Variants in DNAH17 observed in about 807,000 individuals in gnomAD.
DNAH17 encodes the protein axonemal beta dynein heavy chain 17.
A neutral mutation model predicts 485.6 loss-of-function variants in DNAH17; 376 were observed. That is an observed-to-expected ratio of 0.77 (90% CI 0.71 to 0.84). The LOEUF (loss-of-function observed/expected upper bound fraction) is 0.84, where lower values mean the gene tolerates loss of function less well. Among genes scored for constraint, DNAH17 ranks in the 40% least tolerant of loss-of-function variants. The pLI, the probability that DNAH17 is intolerant of heterozygous loss-of-function variation, is 0.00. For synonymous variants in DNAH17, 3,031 were observed against 2,405.9 expected (o/e 1.26, Z -7.60); for missense variants, 6,370 against 5,839.3 (o/e 1.09, Z -2.96).
intron 75 of DNAH17, among the ~76,000 whole-genome samples, chr17:78,432,911 C>CA (rs922446913): frequency 1.7e-5 from 2 of 119,572 alleles, no homozygotes; most frequent in Middle Eastern, 4.0e-3. Context: ...TGCCCCCCCC[C>CA]CCCGACCCCG....
chr17:78,510,754 C>CTCCA, intron 26 of DNAH17: 1 of 405,080 alleles, frequency 2.5e-6, no homozygotes, highest in Non-Finnish European at 4.5e-6. Context: ...AATTGCGGCC[C>CTCCA]CCCCGCAAAA....
At chr17:78,466,521 A>G in intron 56 of DNAH17, 134 bp downstream of exon 56, 1 of 670,364 alleles carries the variant, frequency 1.5e-6, no homozygotes, top group Non-Finnish European at 2.1e-6. Context: ...AGCCTCTTAA[A>G]CGTTGAGCCC....
At chr17:78,461,212 C>T (rs555525088) in intron 58 of DNAH17, among the ~76,000 whole-genome samples, 184 of 152,308 alleles carry the variant, frequency 1.2e-3, no homozygotes, top group Non-Finnish European at 2.0e-3. Context: ...CATTTCGTTA[C>T]CATGCAGGCC....
At position 78,539,586 on chromosome 17, in the gene DNAH17, G is replaced by A. The variant is rs2091466625; in HGVS notation, c.2676+151C>T. 1.6e-5 allele frequency: 11 copies of A among 705,156 alleles called. No individual in the cohort carries two copies. In the South Asian group the frequency reaches 2.4e-4, roughly 16 times the overall value. The allele number at this position is 705,156 out of a possible 1,614,324, so 43.7% of individuals were successfully genotyped here. ...GGATTCTGGAATGCAGGACTTCCAG[G>A]TTTAAAACCAGGTCAAGTAGATTGC... On this transcript the variant is annotated intron_variant, in intron 18 of 80. Transcript: ENST00000389840.
chr17:78,551,634 C>T lies in DNAH17; in HGVS notation c.2292G>A (p.Val764=). The part of the protein sequence containing the change: ...ETTLFWNGEG[V]FQYIQEVREI... ...CTCGCACCTCTTGAATGTACTGAAA[C>T]ACACCTAAAATGGAAATGTAGAGGA... Residue 764 remains valine, a synonymous_variant, in exon 16 of 81, where the codon GTG becomes GTA. Coordinates refer to ENST00000389840, the MANE Select transcript of DNAH17 (RefSeq NM_173628.4). 2 of 1,613,912 alleles carry T rather than the reference C, an allele frequency of 1.2e-6. No homozygotes were observed. Among genetic ancestry groups the T allele is most frequent in the South Asian group, 2.2e-5 (2 of 91,078 alleles).
chr17:78,483,103 C>T (rs997569287), intron 48 of DNAH17, among the ~76,000 whole-genome samples: 11 of 151,344 alleles, frequency 7.3e-5, no homozygotes, highest in African/African-American at 2.4e-4. Flanking sequence ...GTCTGGGTAC[C>T]CTCAAATCTC....
At chr17:78,559,816 C>A (rs1004123156) in intron 13 of DNAH17, among the ~76,000 whole-genome samples, 10 of 152,116 alleles carry the variant, frequency 6.6e-5, no homozygotes, top group African/African-American at 2.4e-4. Context: ...TTTGCCCATT[C>A]CCCCGCCCCA....
At chr17:78,572,331 T>C (rs2092370910) in intron 3 of DNAH17, among the ~76,000 whole-genome samples, 1 of 152,096 alleles carries the variant, frequency 6.6e-6, no homozygotes, top group South Asian at 2.1e-4. Flanking sequence ...CCACTCCCAC[T>C]CACTGACCCT....
chr17:78,494,813 T>C lies in DNAH17; in HGVS notation c.6050A>G (p.Tyr2017Cys), dbSNP rs2090006226. The change falls in exon 40 of 81, where the codon TAC becomes TGC. Residue 2017 changes from tyrosine (Y) to cysteine (C), a missense_variant. By Grantham distance (194) the Tyr-to-Cys change is radical (BLOSUM62 -2). Transcript: ENST00000389840. ...CKELLSKQDH[Y>C]DWGLRAIKSV... ...CTTGATGGCTCTCAGGCCCCAGTCGTAATGATCCTGCGGGCAGTGGGCACA... is the reference window on the plus strand; with the variant it reads ...CTTGATGGCTCTCAGGCCCCAGTCGCAATGATCCTGCGGGCAGTGGGCACA... 1.2e-6 allele frequency: 2 copies of C among 1,605,404 alleles called. No homozygotes were observed. Among genetic ancestry groups the C allele is most frequent in the East Asian group, 4.5e-5 (2 of 44,764 alleles).
Position 78,454,479 on chromosome 17 carries a change from C to A in DNAH17, c.10397G>T (p.Gly3466Val). ...YRSELKAIRL[G>V]QKSYLDVIEQ... ...CTGCGCCCGCACACACCTCTTCTGTCCCAGGCGGATGGCTTTCAGTTCACT... is the reference window on the plus strand; with the variant it reads ...CTGCGCCCGCACACACCTCTTCTGTACCAGGCGGATGGCTTTCAGTTCACT... The change falls in exon 64 of 81, where the codon GGA (glycine) becomes GTA (valine). Residue 3466 changes from glycine to valine, a missense_variant. Transcript: ENST00000389840. 1 of 1,612,232 alleles carries A rather than the reference C, an allele frequency of 6.2e-7. No homozygotes were observed. The highest frequency in any genetic ancestry group is 1.1e-5 in the South Asian group (1 of 90,610).
At chr17:78,427,214 AGGAGG>A in intron 77 of DNAH17, 106 bp from the exon 78 acceptor site, 1 of 1,147,438 alleles carries the variant, frequency 8.7e-7, no homozygotes, top group Non-Finnish European at 1.2e-6. Context: ...AGTCCTGGAG[AGGAGG>A]GAAGAGGCAA....
chr17:78,516,016 G>A (rs1459451719), intron 25 of DNAH17, among the ~76,000 whole-genome samples: 1 of 152,190 alleles, frequency 6.6e-6, no homozygotes, highest in Non-Finnish European at 1.5e-5. Context: ...TAGTCATTGA[G>A]GGAATGAGAG....
chr17:78,436,520 G>A (rs1664496231), intron 74 of DNAH17, among the ~76,000 whole-genome samples: 1 of 152,106 alleles, frequency 6.6e-6, no homozygotes, highest in African/African-American at 2.4e-5. Context: ...CAGAGAAAAT[G>A]CTGAGGTGCC....
chr17:78,519,460 T>C (rs181349864), intron 25 of DNAH17, among the ~76,000 whole-genome samples: 1 of 152,272 alleles, frequency 6.6e-6, no homozygotes, highest in East Asian at 1.9e-4. Flanking sequence ...CAGAAACTGA[T>C]GAAGTTTAAA....
intron 2 of DNAH17, among the ~76,000 whole-genome samples, 196 bp downstream of exon 2, chr17:78,574,517 A>T (rs990870196): frequency 6.6e-6 from 1 of 151,674 alleles, no homozygotes; most frequent in African/African-American, 2.4e-5. Context: ...AAAAAAAAAA[A>T]TTTAAAAACC....
Position 78,571,519 on chromosome 17 carries a change from G to A in DNAH17, c.732+71C>T, listed in dbSNP as rs1270783642. 2.5e-6 allele frequency: 4 copies of A among 1,569,978 alleles called. No homozygotes were observed. The Admixed American group carries it at 5.0e-5, about 20-fold the overall frequency. Reference sequence around the variant, plus strand: ...AGGACTCCTGGGAGGTTGGCACTGGGAGGCGGAGAGCTCGGCCCGGTCGCC... The same window carrying A: ...AGGACTCCTGGGAGGTTGGCACTGGAAGGCGGAGAGCTCGGCCCGGTCGCC... On this transcript the variant is annotated intron_variant, in intron 4 of 80. Transcript: ENST00000389840.
In DNAH17 at chr17:78,486,275, G is replaced by T; in HGVS notation, c.7050C>A (p.Tyr2350Ter). ...PDSPRELYEL[Y>*]FVFTCFWAFG... ...AGGCCCAGAAGCAGGTGAACACGAAGTACAGCTCGTACAGCTCCCTGGGGG... is the reference window on the plus strand; with the variant it reads ...AGGCCCAGAAGCAGGTGAACACGAATTACAGCTCGTACAGCTCCCTGGGGG... Residue 2350 changes from tyrosine (Y) to a stop codon, truncating the protein, a stop_gained, in exon 45 of 81, where the codon TAC becomes TAA. Transcript: ENST00000389840. LOFTEE classifies it high-confidence loss of function. The T allele has an allele frequency of 6.2e-7, 1 of 1,606,578 alleles. No homozygotes were observed. Among genetic ancestry groups the T allele is most frequent in the Non-Finnish European group, 8.5e-7 (1 of 1,174,382 alleles).
At chr17:78,492,833 G>A in intron 41 of DNAH17, 68 bp from the exon 42 acceptor site, 5 of 1,522,812 alleles carry the variant, frequency 3.3e-6, no homozygotes, top group South Asian at 1.2e-5. Flanking sequence ...ACTAGCCTCA[G>A]GACCATGGGT....
chr17:78,519,638 A>G (rs4969218), intron 25 of DNAH17, among the ~76,000 whole-genome samples: 45,104 of 152,154 alleles, frequency 0.3, 6,934 homozygotes, highest in Middle Eastern at 0.34. Flanking sequence ...AGAGGATAGT[A>G]TGGAACTAGT....
Sources: gnomAD v4.1 joint callset for allele counts (sites outside exome capture counted in the v4.1 genomes callset) on GRCh38, gnomAD v4.1.1 for gene constraint, MANE v1.5 for transcripts, NCBI Gene and HGNC (gene_info 2026-07-23, HGNC 2026-07-21) for gene names.